TRPM3: variants seen among roughly 807,000 people sequenced by gnomAD.
The protein encoded by TRPM3 is transient receptor potential cation channel subfamily M member 3, also known as long transient receptor potential channel 3.
TRPM3 carries 77 observed loss-of-function variants against 181.2 expected under a neutral mutation model. That is an observed-to-expected ratio of 0.42 (90% CI 0.35 to 0.51). The LOEUF is 0.51. TRPM3 is among the 20% of genes least tolerant of loss of function. The probability of loss-of-function intolerance (pLI) is 0.01; values close to 1 mark genes in which losing one functional copy is unlikely to be tolerated. For synonymous variants in TRPM3, 745 were observed against 796.4 expected, an observed-to-expected ratio of 0.94 and a Z score of 1.09; for missense variants, 1,759 against 2,196.7, an observed-to-expected ratio of 0.80 and a Z score of 3.98.
chr9:71,438,018 C>A (rs1038368614), intron 1 of TRPM3, among the ~76,000 whole-genome samples: 5 of 151,920 alleles, frequency 3.3e-5, no homozygotes, highest in African/African-American at 9.7e-5. Context: ...GTATTGTTGC[C>A]AAAAACTCAA....
intron 9 of TRPM3, among the ~76,000 whole-genome samples, chr9:70,647,696 A>G (rs2059077894): frequency 6.6e-6 from 1 of 152,178 alleles, no homozygotes; most frequent in Non-Finnish European, 1.5e-5. Context: ...TGACAGAGCA[A>G]TCAGCCAAAA....
At chr9:70,694,971 C>T (rs959785069) in intron 8 of TRPM3, among the ~76,000 whole-genome samples, 1 of 152,212 alleles carries the variant, frequency 6.6e-6, no homozygotes. Context: ...CGTGACAACC[C>T]TCCCCCTATT....
chr9:70,757,014 C>A (rs572090120), intron 8 of TRPM3, among the ~76,000 whole-genome samples: 1 of 144,044 alleles, frequency 6.9e-6, no homozygotes, highest in Non-Finnish European at 1.6e-5. Context: ...GATAGAGACA[C>A]GAAAAACACT....
chr9:71,395,964 G>A (rs1170010059), intron 1 of TRPM3, among the ~76,000 whole-genome samples: 1 of 152,082 alleles, frequency 6.6e-6, no homozygotes, highest in Non-Finnish European at 1.5e-5. Context: ...TGAAGGAAAT[G>A]TTCAGGAAAA....
intron 14 of TRPM3, among the ~76,000 whole-genome samples, chr9:70,622,367 T>A (rs372851801): frequency 6.6e-6 from 1 of 152,250 alleles, no homozygotes; most frequent in Admixed American, 6.5e-5. Flanking sequence ...GAATGAATCA[T>A]GTATTTCTCA....
chr9:71,401,959 C>G (rs933076420), intron 1 of TRPM3, among the ~76,000 whole-genome samples: 1 of 152,150 alleles, frequency 6.6e-6, no homozygotes, highest in East Asian at 1.9e-4. Context: ...TGGGGAGAGA[C>G]AGTTCTAAAA....
At chr9:71,020,326 TA>T (rs2097835298) in intron 1 of TRPM3, among the ~76,000 whole-genome samples, 1 of 151,354 alleles carries the variant, frequency 6.6e-6, no homozygotes, top group African/African-American at 2.4e-5. Flanking sequence ...TAAAATCAAA[TA>T]AAATTAACCA....
chr9:71,158,834 C>T (rs2076133289), intron 1 of TRPM3, among the ~76,000 whole-genome samples: 1 of 152,126 alleles, frequency 6.6e-6, no homozygotes, highest in South Asian at 2.1e-4. Flanking sequence ...CATCAATCCA[C>T]TGAAAGCATG....
intron 1 of TRPM3, among the ~76,000 whole-genome samples, chr9:71,003,630 C>G (rs2134263122): frequency 6.6e-6 from 1 of 152,240 alleles, no homozygotes; most frequent in South Asian, 2.1e-4. Flanking sequence ...TTTTACCAAT[C>G]TGATACATGG....
rs1048915071 is a variant in TRPM3, at chr9:71,241,553, G to A, written c.183+205100C>T. On this transcript the variant is annotated intron_variant, in intron 1 of 24. Coordinates refer to the TRPM3 transcript ENST00000357533. ...GGAGATATACCTAATGTTAAATGAC[G>A]AGTTGATGGGTGCAGCACACCAATA... Among the ~76,000 whole-genome samples the A allele has an allele frequency of 9.2e-5, 14 of 151,702 alleles. No individual in the cohort carries two copies. In the East Asian group the frequency reaches 1.9e-3, roughly 21 times the overall value.
At chr9:70,860,605 G>A (rs1415223) in intron 3 of TRPM3, among the ~76,000 whole-genome samples, 1 of 151,532 alleles carries the variant, frequency 6.6e-6, no homozygotes, top group African/African-American at 2.4e-5. Context: ...CAGATGCTGT[G>A]GTCAACCAGT....
intron 1 of TRPM3, among the ~76,000 whole-genome samples, chr9:71,082,339 T>C (rs1052821594): frequency 6.6e-6 from 1 of 152,158 alleles, no homozygotes; most frequent in Non-Finnish European, 1.5e-5. Context: ...CTTCTCATGA[T>C]GCCAATTTTC....
At chr9:70,651,621 C>A (rs955336568) in intron 9 of TRPM3, among the ~76,000 whole-genome samples, 1 of 152,166 alleles carries the variant, frequency 6.6e-6, no homozygotes, top group South Asian at 2.1e-4. Context: ...TTTCTGTTGG[C>A]GCTTTGTGAG....
intron 1 of TRPM3, among the ~76,000 whole-genome samples, chr9:71,049,667 T>C (rs973553492): frequency 1.3e-5 from 2 of 152,120 alleles, no homozygotes; most frequent in African/African-American, 4.8e-5. Context: ...AATTGACACT[T>C]GGCCATTTCT....
chr9:71,145,527 C>A (rs914431860), intron 1 of TRPM3, among the ~76,000 whole-genome samples: 1 of 152,080 alleles, frequency 6.6e-6, no homozygotes, highest in Admixed American at 6.6e-5. Flanking sequence ...CTGGAGTTGT[C>A]CTGCAGACAT....
chr9:71,277,737 A>T (rs1230393162), intron 1 of TRPM3, among the ~76,000 whole-genome samples: 1 of 152,232 alleles, frequency 6.6e-6, no homozygotes, highest in African/African-American at 2.4e-5. Context: ...ATATTTTAAC[A>T]AATATCTAAT....
At position 70,625,370 on chromosome 9, in the gene TRPM3, G is replaced by T; in HGVS notation, c.1669-39C>A. ...ATGAAACAAACAGACAAATCCAAAA[G>T]ACAACGTGGTTTACTAGGGATTCTA... On this transcript the variant is annotated intron_variant, in intron 13 of 25. Coordinates refer to ENST00000677713, the MANE Select transcript of TRPM3 (RefSeq NM_001366145.2). This position sits in a 1 kb window ranked among gnomAD's most constrained non-coding sequence, Gnocchi z 4.8. The T allele has an allele frequency of 6.2e-7, 1 of 1,612,350 alleles. No homozygotes were observed. Among genetic ancestry groups the T allele is most frequent in the Non-Finnish European group, 8.5e-7 (1 of 1,178,976 alleles).
intron 1 of TRPM3, among the ~76,000 whole-genome samples, chr9:71,002,781 T>G (rs2097622984): frequency 6.6e-6 from 1 of 152,178 alleles, no homozygotes; most frequent in African/African-American, 2.4e-5. Context: ...AAGTTGTAGA[T>G]AAGATGATAC....
intron 6 of TRPM3, among the ~76,000 whole-genome samples, chr9:70,802,465 C>T (rs1046797241): frequency 3.3e-5 from 5 of 152,160 alleles, no homozygotes; most frequent in Non-Finnish European, 5.9e-5. Context: ...TGATGGCACG[C>T]TGGATTTGGC....
Sources: allele counts gnomAD v4.1 joint callset (sites outside exome capture counted in the v4.1 genomes callset), GRCh38; gene constraint gnomAD v4.1.1; non-coding constraint Gnocchi (gnomAD v3.1); transcripts MANE v1.5; gene names NCBI Gene and HGNC (gene_info 2026-07-23, HGNC 2026-07-21).